The following EZH2 variants were observed in gnomAD, a reference collection of about 807,000 sequenced individuals.
EZH2 encodes enhancer of zeste 2 polycomb repressive complex 2 subunit.
In EZH2, 18 loss-of-function variants were observed where a neutral mutation model predicts 98.4. The ratio of observed to expected loss-of-function variants is 0.18; its 90% confidence interval spans 0.13 to 0.27. The LOEUF (loss-of-function observed/expected upper bound fraction) is 0.27. Ranked by LOEUF, EZH2 falls within the 10% of genes least tolerant of loss-of-function variation. The probability of loss-of-function intolerance (pLI) is 1.00; values close to 1 mark genes in which losing one functional copy is unlikely to be tolerated. For missense variants in EZH2, 470 were observed against 935.1 expected (o/e 0.50, Z 6.49); for synonymous variants, 338 against 312.3 (o/e 1.08, Z -0.87).
At chr7:148,832,606 A>C (rs748966664) in intron 4 of EZH2, 28 bp downstream of exon 4, 3 of 1,166,180 alleles carry the variant, frequency 2.6e-6, no homozygotes, top group African/African-American at 3.1e-5. Flanking sequence ...TTATTATCAA[A>C]TAAGCAGAAG....
At chr7:148,838,111 A>G (rs1005742168) in intron 3 of EZH2, among the ~76,000 whole-genome samples, 6 of 127,794 alleles carry the variant, frequency 4.7e-5, no homozygotes, top group African/African-American at 6.0e-5. Context: ...TCTTGTTGCC[A>G]AGGTTAGAGT....
intron 1 of EZH2, among the ~76,000 whole-genome samples, chr7:148,877,931 A>T (rs1442026108): frequency 2.6e-5 from 4 of 152,214 alleles, no homozygotes; most frequent in Admixed American, 2.6e-4. Context: ...AGTGAAACAG[A>T]ACTAAGTTTG....
chr7:148,879,120 G>C (rs1379783681), intron 1 of EZH2, among the ~76,000 whole-genome samples: 2 of 151,490 alleles, frequency 1.3e-5, no homozygotes, highest in African/African-American at 2.4e-5. Flanking sequence ...AGCTACTCGG[G>C]AGGCTGAGGT....
At chr7:148,880,264 A>ATTTTTTTTT (rs1407100104) in intron 1 of EZH2, among the ~76,000 whole-genome samples, 1 of 152,208 alleles carries the variant, frequency 6.6e-6, no homozygotes, top group African/African-American at 2.4e-5. Context: ...TATTTAAATC[A>ATTTTTTTTT]TTTTAAAAGA....
chr7:148,829,498 A>G (rs2129476758), intron 5 of EZH2, among the ~76,000 whole-genome samples: 1 of 152,336 alleles, frequency 6.6e-6, no homozygotes, highest in South Asian at 2.1e-4. Flanking sequence ...GTTATAACCA[A>G]CTATGCATAA....
rs1810731962 is a variant in EZH2, at chr7:148,835,725, G to GA, written c.247-2976dup. On this transcript the variant is annotated intron_variant, in intron 3 of 19. Transcript: ENST00000320356. ...TGGCTTCTGAAGGAAGAAGTGCTTT[G>GA]AAAGCTTAATGGGGAGTGGGCTGCC... 2.0e-5 allele frequency among the ~76,000 whole-genome samples: 3 copies of GA among 152,104 alleles called. No homozygotes were observed. The South Asian group carries it at 6.2e-4, about 32-fold the overall frequency.
intron 5 of EZH2, 27 bp from the exon 6 acceptor site, chr7:148,828,907 C>T (rs1585022774): frequency 6.3e-7 from 1 of 1,580,318 alleles, no homozygotes; most frequent in Non-Finnish European, 8.6e-7. Flanking sequence ...GTCAGAAACA[C>T]ACAGGAGAAG....
intron 2 of EZH2, 68 bp downstream of exon 2, chr7:148,847,114 T>C (rs1563024338): frequency 3.9e-6 from 6 of 1,522,802 alleles, no homozygotes; most frequent in Non-Finnish European, 5.3e-6. Flanking sequence ...TAAAAACTTA[T>C]TGAACTTAGG....
At chr7:148,830,779 A>G (rs989045512) in intron 4 of EZH2, among the ~76,000 whole-genome samples, 4 of 152,216 alleles carry the variant, frequency 2.6e-5, no homozygotes, top group African/African-American at 9.6e-5. Context: ...ATAGTTAAGC[A>G]TACAAGGTAA....
At chr7:148,870,502 G>A (rs2129491327) in intron 1 of EZH2, among the ~76,000 whole-genome samples, 1 of 152,096 alleles carries the variant, frequency 6.6e-6, no homozygotes, top group South Asian at 2.1e-4. Context: ...AGGAGTTCTA[G>A]ACCAGCCGGG....
chr7:148,845,030 C>A (rs902748658), intron 3 of EZH2, among the ~76,000 whole-genome samples: 1 of 151,998 alleles, frequency 6.6e-6, no homozygotes, highest in Non-Finnish European at 1.5e-5. Context: ...AAGTACCTAG[C>A]ACAGTGACAC....
intron 19 of EZH2, among the ~76,000 whole-genome samples, chr7:148,808,448 G>A (rs1250217475): frequency 1.3e-5 from 2 of 152,212 alleles, no homozygotes; most frequent in Non-Finnish European, 2.9e-5. Flanking sequence ...ACAGTCATCT[G>A]ACTGCACTTA....
At position 148,847,235 on chromosome 7, in the gene EZH2, C is replaced by G. The variant is rs1814386298; in HGVS notation, c.64G>C (p.Glu22Gln). Reference protein sequence around the residue: ...PVCWRKRVKSEYMRLRQLKRF... With the variant: ...PVCWRKRVKSQYMRLRQLKRF... ...TTGAGCTGTCTCAGTCGCATGTACT[C>G]TGATTTTACACGCTTCCGCCAACAA... Residue 22 changes from glutamate to glutamine, a missense_variant, in exon 2 of 20, where the codon GAG (glutamate) becomes CAG (glutamine). Physicochemically the swap from Glu to Gln is conservative, Grantham distance 29 (BLOSUM62 2). This residue lies in a region of EZH2 where 79 missense variants were observed against 122.1 expected (regional missense o/e 0.65). Transcript: ENST00000320356. 1.2e-6 allele frequency: 2 copies of G among 1,614,008 alleles called. No homozygotes were observed.
intron 1 of EZH2, among the ~76,000 whole-genome samples, chr7:148,862,622 C>G (rs1817850183): frequency 6.6e-6 from 1 of 152,078 alleles, no homozygotes; most frequent in African/African-American, 2.4e-5. Context: ...AAAAAAGTGG[C>G]TAGTGGAGCT....
At chr7:148,878,792 G>C (rs1310051851) in intron 1 of EZH2, among the ~76,000 whole-genome samples, 1 of 152,060 alleles carries the variant, frequency 6.6e-6, no homozygotes, top group Non-Finnish European at 1.5e-5. Context: ...CCAGCTACTT[G>C]GGAGGCTGAG....
chr7:148,875,712 A>G (rs1162254700), intron 1 of EZH2, among the ~76,000 whole-genome samples: 1 of 152,256 alleles, frequency 6.6e-6, no homozygotes, highest in Non-Finnish European at 1.5e-5. Flanking sequence ...CTTACAAAGT[A>G]AAATCAATAT....
chr7:148,809,674 AAAAT>A (rs922315406), intron 17 of EZH2, among the ~76,000 whole-genome samples: 1 of 152,228 alleles, frequency 6.6e-6, no homozygotes, highest in Non-Finnish European at 1.5e-5. Context: ...AAAAAAAAAA[AAAAT>A]CTGACAAAAT....
chr7:148,836,539 T>A (rs1237134456), intron 3 of EZH2, among the ~76,000 whole-genome samples: 2 of 152,050 alleles, frequency 1.3e-5, no homozygotes, highest in African/African-American at 4.8e-5. Flanking sequence ...TCACTCAGAG[T>A]AGTGAAAAGA....
intron 1 of EZH2, among the ~76,000 whole-genome samples, chr7:148,877,628 A>G (rs1373454567): frequency 1.3e-5 from 2 of 152,200 alleles, no homozygotes; most frequent in Admixed American, 6.5e-5. Flanking sequence ...TTGGTAGCTC[A>G]GGGACTGGAA....
Sources: gnomAD v4.1 joint callset for allele counts (sites outside exome capture counted in the v4.1 genomes callset) on GRCh38, gnomAD v4.1.1 for gene constraint, gnomAD v4.1.1 regional missense constraint, MANE v1.5 for transcripts, NCBI Gene and HGNC (gene_info 2026-07-23, HGNC 2026-07-21) for gene names.